ANKRD30A: variants seen among roughly 807,000 people sequenced by gnomAD.
ANKRD30A encodes the protein ankyrin repeat domain-containing protein 30A.
ANKRD30A carries 170 observed loss-of-function variants against 166.3 expected under a neutral mutation model. The observed-to-expected ratio is 1.02, with a 90% CI of 0.90 to 1.16. The LOEUF is 1.16. ANKRD30A is among the 50% of genes most tolerant of loss of function. ANKRD30A has a pLI of 0.00. For missense variants in ANKRD30A, 1,630 were observed against 1,518.0 expected, an observed-to-expected ratio of 1.07 and a Z score of -1.23; for synonymous variants, 564 against 508.9, an observed-to-expected ratio of 1.11 and a Z score of -1.46.
chr10:37,197,301 G>A lies in ANKRD30A; in HGVS notation c.2635G>A (p.Ala879Thr). Residue 879 changes from alanine to threonine, a missense_variant, in exon 28 of 36, where the codon GCC (alanine) becomes ACC (threonine). Ala to Thr is a moderately conservative substitution (Grantham distance 58). This residue lies in a region of ANKRD30A where 712 missense variants were observed against 629.3 expected (regional missense o/e 1.13). Transcript: ENST00000361713. ...TTTAGAGCCTCCCGAGAAGCCATCT[G>A]CCTTCGAGGTATTTAGTTTTATGAT... The part of the protein sequence containing the change: ...FKAEPPEKPS[A>T]FEPAIEMQKS... 1 of 1,613,292 alleles carries A rather than the reference G, an allele frequency of 6.2e-7. No homozygotes were observed.
intron 25 of ANKRD30A, among the ~76,000 whole-genome samples, chr10:37,190,944 C>A (rs1289098305): frequency 4.0e-5 from 6 of 151,778 alleles, no homozygotes; most frequent in African/African-American, 1.5e-4. Flanking sequence ...GGTAAAATTG[C>A]CATTTTATGA....
intron 18 of ANKRD30A, among the ~76,000 whole-genome samples, chr10:37,166,184 A>G (rs1044761478): frequency 6.6e-6 from 1 of 152,174 alleles, no homozygotes; most frequent in African/African-American, 2.4e-5. Flanking sequence ...AAACAGTTCT[A>G]TGATCGTGAA....
At chr10:37,191,602 A>G (rs1422595054) in intron 25 of ANKRD30A, among the ~76,000 whole-genome samples, 1 of 151,984 alleles carries the variant, frequency 6.6e-6, no homozygotes, top group African/African-American at 2.4e-5. Context: ...TGGTATTAAC[A>G]CTTTTTGCAA....
At chr10:37,211,134 T>TA (rs1842288378) in intron 31 of ANKRD30A, among the ~76,000 whole-genome samples, 1 of 151,812 alleles carries the variant, frequency 6.6e-6, no homozygotes, top group African/African-American at 2.4e-5. Flanking sequence ...TCTTTTTTTT[T>TA]ATCTAGAATT....
chr10:37,258,334 A>G, the ANKRD30A span, among the ~76,000 whole-genome samples: 1 of 152,190 alleles, frequency 6.6e-6, no homozygotes, highest in African/African-American at 2.4e-5. Context: ...AGAAGAACCA[A>G]GAAAGTTCTG....
intron 27 of ANKRD30A, among the ~76,000 whole-genome samples, chr10:37,196,340 G>T (rs1008974202): frequency 6.6e-6 from 1 of 151,950 alleles, no homozygotes; most frequent in Non-Finnish European, 1.5e-5. Flanking sequence ...TTACAATGAG[G>T]CATGACAAAT....
At chr10:37,220,053 A>T (rs1842833406) in intron 34 of ANKRD30A, among the ~76,000 whole-genome samples, 156 bp downstream of exon 34, 1 of 139,904 alleles carries the variant, frequency 7.1e-6, no homozygotes, top group South Asian at 2.1e-4. Context: ...TAAATAGATG[A>T]TAAATGCACT....
intron 21 of ANKRD30A, among the ~76,000 whole-genome samples, chr10:37,172,290 G>T (rs1487529842): frequency 1.7e-5 from 2 of 115,686 alleles, no homozygotes; most frequent in East Asian, 4.4e-4. Context: ...AAAAGGAGAG[G>T]CCTTTCATGG....
chr10:37,250,303 G>A, the ANKRD30A span, among the ~76,000 whole-genome samples: 1 of 152,012 alleles, frequency 6.6e-6, no homozygotes, highest in Non-Finnish European at 1.5e-5. Flanking sequence ...ATGAGTAGGG[G>A]GTGGCCATAC....
intron 27 of ANKRD30A, among the ~76,000 whole-genome samples, chr10:37,196,851 A>G (rs1389431964): frequency 6.6e-6 from 1 of 152,198 alleles, no homozygotes; most frequent in East Asian, 1.9e-4. Flanking sequence ...CACTTCAGTG[A>G]CGAGATGTCA....
intron 15 of ANKRD30A, among the ~76,000 whole-genome samples, chr10:37,161,828 AATTT>A (rs1190026021): frequency 6.6e-6 from 1 of 152,202 alleles, no homozygotes; most frequent in Non-Finnish European, 1.5e-5. Context: ...TTCCACAAAA[AATTT>A]ATTATAGACT....
Position 37,217,712 on chromosome 10 carries a change from AAGAAG to A in ANKRD30A, c.3113_3117del (p.Arg1038LysfsTer7), listed in dbSNP as rs1001596811. On this transcript the variant is annotated frameshift_variant, in exon 33 of 36. Coordinates refer to ENST00000361713, the MANE Select transcript of ANKRD30A (RefSeq NM_052997.3). LOFTEE classifies it high-confidence loss of function. ...AATGGCAGATTGACTTTAAACCAAG[AAGAAG>A]AGAAGAGAAGAAATGCCGATATATT... 3.2e-6 allele frequency: 5 copies of A among 1,567,434 alleles called. No individual in the cohort carries two copies. The highest frequency in any genetic ancestry group is 2.0e-5 in the Admixed American group (1 of 49,818).
intron 9 of ANKRD30A, among the ~76,000 whole-genome samples, chr10:37,148,639 G>A (rs1157599225): frequency 2.0e-5 from 3 of 151,994 alleles, no homozygotes; most frequent in Admixed American, 1.3e-4. Context: ...ACACTCCAGA[G>A]ACTACCAGAA....
In ANKRD30A at chr10:37,216,265, G is replaced by C. The variant is rs1447791687; in HGVS notation, c.2954G>C (p.Arg985Pro). Residue 985 changes from arginine (R) to proline (P), a missense_variant, in exon 32 of 36, where the codon CGT (arginine) becomes CCT (proline). Transcript: ENST00000361713. ...RELQKDHCEQRTGKMEQMKKK... is the reference protein window; with the variant it reads ...RELQKDHCEQPTGKMEQMKKK... ...CTTCAAAAAGATCACTGTGAACAAC[G>C]TACAGGAAAAATGGAACAAATGAAA... The C allele has an allele frequency of 1.2e-6, 2 of 1,608,048 alleles. No homozygotes were observed. Among genetic ancestry groups the C allele is most frequent in the African/African-American group, 2.7e-5 (2 of 74,478 alleles).
At chr10:37,191,824 C>T (rs1345370955) in intron 25 of ANKRD30A, among the ~76,000 whole-genome samples, 8 of 151,848 alleles carry the variant, frequency 5.3e-5, no homozygotes, top group Admixed American at 1.3e-4. Flanking sequence ...TGAAACCCCA[C>T]CTCTACTAGT....
intron 18 of ANKRD30A, among the ~76,000 whole-genome samples, chr10:37,166,347 T>C (rs1199143129): frequency 1.3e-5 from 2 of 152,228 alleles, no homozygotes; most frequent in Non-Finnish European, 2.9e-5. Flanking sequence ...GTGAATTTTT[T>C]TGTGAAGGTG....
chr10:37,184,022 T>C (rs1334675352), intron 24 of ANKRD30A, among the ~76,000 whole-genome samples: 21 of 151,758 alleles, frequency 1.4e-4, no homozygotes, highest in Admixed American at 3.3e-4. Context: ...GTGGCACGCA[T>C]TTCTAATAAT....
At chr10:37,194,429 C>T (rs1473676639) in intron 27 of ANKRD30A, among the ~76,000 whole-genome samples, 3 of 151,362 alleles carry the variant, frequency 2.0e-5, no homozygotes, top group Admixed American at 6.6e-5. Flanking sequence ...CAAGCTCTGC[C>T]TCCCGGGTTC....
At chr10:37,199,241 A>G (rs1246715718) in intron 29 of ANKRD30A, among the ~76,000 whole-genome samples, 2 of 152,128 alleles carry the variant, frequency 1.3e-5, no homozygotes, top group African/African-American at 2.4e-5. Flanking sequence ...GGTTGGACAT[A>G]TAGTTGACTG....
Sources: gnomAD v4.1 joint callset for allele counts (sites outside exome capture counted in the v4.1 genomes callset) on GRCh38, gnomAD v4.1.1 for gene constraint, gnomAD v4.1.1 regional missense constraint, MANE v1.5 for transcripts, NCBI Gene and HGNC (gene_info 2026-07-23, HGNC 2026-07-21) for gene names.